ADGRG7: variants seen among roughly 807,000 people sequenced by gnomAD.
ADGRG7 encodes the protein G-protein coupled receptor 128.
In ADGRG7, 82 loss-of-function variants were observed where a neutral mutation model predicts 88.6. The ratio of observed to expected loss-of-function variants is 0.93; its 90% CI spans 0.77 to 1.11. The LOEUF (loss-of-function observed/expected upper bound fraction) is 1.11. Ranked by LOEUF, ADGRG7 falls within the 50% of genes most tolerant of loss-of-function variation. ADGRG7 has a pLI of 0.00. For missense variants in ADGRG7, 945 were observed against 953.4 expected (o/e 0.99, Z 0.12); for synonymous variants, 381 against 345.2 (o/e 1.10, Z -1.15).
chr3:100,646,632 G>T lies in ADGRG7; in HGVS notation c.1174G>T (p.Asp392Tyr), dbSNP rs761261511. 16 of 1,614,030 alleles carry T rather than the reference G, an allele frequency of 9.9e-6. No individual in the cohort carries two copies. In the Middle Eastern group the frequency reaches 1.8e-3, roughly 183 times the overall value. The change falls in exon 10 of 16, where the codon GAC becomes TAC. Residue 392 changes from aspartate (D) to tyrosine (Y), a missense_variant. Coordinates refer to ENST00000273352, the MANE Select transcript of ADGRG7 (RefSeq NM_032787.3). ...ACVYWNLSAK[D>Y]WDTYGCQKDK... ...TGTCTATTGGAATTTGTCAGCGAAGGACTGGGACACATATGGCTGTCAAAA... is the reference window on the plus strand; with the variant it reads ...TGTCTATTGGAATTTGTCAGCGAAGTACTGGGACACATATGGCTGTCAAAA...
rs764322493 is a variant in ADGRG7, at chr3:100,694,968, C to A, written c.2361C>A (p.Leu787=). 6.2e-7 allele frequency: 1 copy of A among 1,614,196 alleles called. No homozygotes were observed. The highest frequency in any genetic ancestry group is 1.6e-4 in the Middle Eastern group (1 of 6,062). ...CTCCGAGTACTGAGGAAATCACACTCTCTGAAAGTGACAATGCAAAGGAAA... is the reference window on the plus strand; with the variant it reads ...CTCCGAGTACTGAGGAAATCACACTATCTGAAAGTGACAATGCAAAGGAAA... ...ETSPSTEEIT[L]SESDNAKESI Residue 787 remains leucine, a synonymous_variant, in exon 16 of 16, where the codon CTC becomes CTA. Coordinates refer to ENST00000273352, the MANE Select transcript of ADGRG7 (RefSeq NM_032787.3).
At chr3:100,625,723 A>G (rs1292626700) in intron 1 of ADGRG7, among the ~76,000 whole-genome samples, 1 of 152,204 alleles carries the variant, frequency 6.6e-6, no homozygotes, top group South Asian at 2.1e-4. Flanking sequence ...GTTTATTGAC[A>G]ATTTTTAACA....
chr3:100,662,085 G>A (rs1360305898), intron 14 of ADGRG7, among the ~76,000 whole-genome samples: 1 of 152,102 alleles, frequency 6.6e-6, no homozygotes. Context: ...GTCCACATAT[G>A]GATTAATGAC....
chr3:100,615,671 C>T (rs1707214825), intron 1 of ADGRG7, among the ~76,000 whole-genome samples: 2 of 152,190 alleles, frequency 1.3e-5, no homozygotes, highest in Non-Finnish European at 2.9e-5. Context: ...GATGGACCTC[C>T]TTCTTGTTTA....
chr3:100,673,720 G>A (rs113659251), intron 15 of ADGRG7, among the ~76,000 whole-genome samples: 4,048 of 152,082 alleles, frequency 0.027, 166 homozygotes, highest in African/African-American at 0.092. Flanking sequence ...GCCTCCCAAA[G>A]TGTTGGGATT....
At chr3:100,686,109 A>G (rs1354007259) in intron 15 of ADGRG7, among the ~76,000 whole-genome samples, 1 of 151,212 alleles carries the variant, frequency 6.6e-6, no homozygotes, top group Non-Finnish European at 1.5e-5. Context: ...TTTGATTTGC[A>G]TTTCTCTGAT....
chr3:100,670,591 T>TG (rs1322113024), intron 15 of ADGRG7, among the ~76,000 whole-genome samples: 1 of 152,196 alleles, frequency 6.6e-6, no homozygotes, highest in Non-Finnish European at 1.5e-5. Flanking sequence ...CTTTAAGTTC[T>TG]GGGGTACATG....
At chr3:100,689,856 G>A (rs2094990059) in intron 15 of ADGRG7, among the ~76,000 whole-genome samples, 2 of 152,228 alleles carry the variant, frequency 1.3e-5, no homozygotes, top group South Asian at 4.2e-4. Context: ...ATGTGTCTTG[G>A]AGTTGCTCTT....
intron 1 of ADGRG7, among the ~76,000 whole-genome samples, chr3:100,614,675 A>G (rs1017275852): frequency 6.6e-6 from 1 of 152,222 alleles, no homozygotes. Context: ...AAGGATCTGC[A>G]GATGAAATTT....
chr3:100,681,628 A>G (rs117351105), intron 15 of ADGRG7, among the ~76,000 whole-genome samples: 1 of 152,102 alleles, frequency 6.6e-6, no homozygotes, highest in East Asian at 1.9e-4. Flanking sequence ...ACATCTTGAA[A>G]CCAGAATTTC....
Position 100,669,082 on chromosome 3 carries a change from T to C in ADGRG7, c.2113T>C (p.Phe705Leu), listed in dbSNP as rs145344966. ...CATCAGGATCGTCTTCAGCTACATATTCTGCCTTTTCAACACTACACAGGT... is the reference window on the plus strand; with the variant it reads ...CATCAGGATCGTCTTCAGCTACATACTCTGCCTTTTCAACACTACACAGGT... ...DSIRIVFSYI[F>L]CLFNTTQGLQ... The change falls in exon 15 of 16, where the codon TTC (phenylalanine) becomes CTC (leucine). Residue 705 changes from phenylalanine (F) to leucine (L), a missense_variant. Phe to Leu is a conservative substitution (Grantham distance 22). Coordinates refer to ENST00000273352, the MANE Select transcript of ADGRG7 (RefSeq NM_032787.3). 886 of 1,592,412 alleles carry C rather than the reference T, an allele frequency of 5.6e-4. 1 individual carries two copies. The highest frequency in any genetic ancestry group is 6.9e-4 in the Non-Finnish European group (807 of 1,170,934).
At chr3:100,653,162 A>T (rs1422361375) in intron 11 of ADGRG7, among the ~76,000 whole-genome samples, 4 of 152,238 alleles carry the variant, frequency 2.6e-5, no homozygotes, top group Admixed American at 6.5e-5. Context: ...TAAACCATTT[A>T]AAAAAGCAGT....
At chr3:100,642,955 CCTT>C (rs1161698874) in intron 6 of ADGRG7, among the ~76,000 whole-genome samples, 2 of 152,200 alleles carry the variant, frequency 1.3e-5, no homozygotes, top group African/African-American at 4.8e-5. Flanking sequence ...GCAACACCAT[CCTT>C]CTATGTGAAG....
intron 1 of ADGRG7, among the ~76,000 whole-genome samples, chr3:100,611,244 T>TTTCCTTCTTTCCTTCCTTCC (rs1553689158): frequency 4.6e-5 from 3 of 64,886 alleles, no homozygotes; most frequent in East Asian, 4.6e-4. Context: ...TTTGTTTGTT[T>TTTCCTTCTTTCCTTCCTTCC]TTCCTTCCTT....
chr3:100,640,816 C>T (rs1029283739), intron 6 of ADGRG7, among the ~76,000 whole-genome samples: 2 of 152,148 alleles, frequency 1.3e-5, no homozygotes, highest in Admixed American at 6.5e-5. Flanking sequence ...GCCACCGCGA[C>T]GGGCTGACCT....
At chr3:100,681,207 G>A (rs1179733119) in intron 15 of ADGRG7, among the ~76,000 whole-genome samples, 1 of 146,170 alleles carries the variant, frequency 6.8e-6, no homozygotes, top group Non-Finnish European at 1.5e-5. Flanking sequence ...CTTTGGAGAG[G>A]TTTTTTTTTT....
chr3:100,653,161 TA>T, intron 11 of ADGRG7, among the ~76,000 whole-genome samples: 1 of 152,224 alleles, frequency 6.6e-6, no homozygotes, highest in African/African-American at 2.4e-5. Flanking sequence ...ATAAACCATT[TA>T]AAAAAGCAGT....
Position 100,646,690 on chromosome 3 carries a change from G to A in ADGRG7, c.1232G>A (p.Arg411His), listed in dbSNP as rs763246023. The change falls in exon 10 of 16, where the codon CGC becomes CAC. Residue 411 changes from arginine (R) to histidine (H), a missense_variant. Physicochemically the swap from Arg to His is conservative, Grantham distance 29. Transcript: ENST00000273352. ...GGCACTGATGGATTCCTGCGCTGCC[G>A]CTGCAACCATACTACTAATTTTGCT... ...DKGTDGFLRC[R>H]CNHTTNFAVL... 2.7e-5 allele frequency: 43 copies of A among 1,613,878 alleles called. No individual in the cohort carries two copies. The highest frequency in any genetic ancestry group is 1.6e-4 in the East Asian group (7 of 44,898).
chr3:100,667,004 A>C (rs1007371959), intron 14 of ADGRG7, among the ~76,000 whole-genome samples: 1 of 152,074 alleles, frequency 6.6e-6, no homozygotes, highest in African/African-American at 2.4e-5. Context: ...AGGCAGAGGA[A>C]TTTTTCTTAG....
Sources: gnomAD v4.1 joint callset for allele counts (sites outside exome capture counted in the v4.1 genomes callset) on GRCh38, gnomAD v4.1.1 for gene constraint, MANE v1.5 for transcripts, NCBI Gene and HGNC (gene_info 2026-07-23, HGNC 2026-07-21) for gene names.